Variants in ZNF385B observed in about 807,000 individuals in gnomAD.
ZNF385B encodes the protein zinc finger protein 533.
Under a neutral mutation model 39.2 loss-of-function variants are expected in ZNF385B, and 23 were observed. The ratio of observed to expected loss-of-function variants is 0.59; its 90% CI spans 0.42 to 0.83. ZNF385B has a LOEUF of 0.83. Among genes scored for constraint, ZNF385B ranks in the 40% least tolerant of loss-of-function variants. ZNF385B has a pLI of 0.00. For missense variants in ZNF385B, 552 were observed against 598.9 expected (o/e 0.92, Z 0.82); for synonymous variants, 205 against 222.6 (o/e 0.92, Z 0.70).
At chr2:179,562,092 G>C (rs914066177) in intron 3 of ZNF385B, among the ~76,000 whole-genome samples, 1 of 152,118 alleles carries the variant, frequency 6.6e-6, no homozygotes, top group African/African-American at 2.4e-5. Flanking sequence ...TTACCTAGTA[G>C]TTATTCCCAC....
intron 3 of ZNF385B, among the ~76,000 whole-genome samples, chr2:179,669,373 C>A (rs1695607736): frequency 2.0e-5 from 3 of 152,186 alleles, no homozygotes; most frequent in Admixed American, 2.0e-4. Flanking sequence ...TCAAAGTACA[C>A]CAACACATAG....
intron 3 of ZNF385B, among the ~76,000 whole-genome samples, chr2:179,749,929 A>G (rs1702577705): frequency 6.6e-6 from 1 of 152,164 alleles, no homozygotes; most frequent in African/African-American, 2.4e-5. Flanking sequence ...TTAAAGAAAA[A>G]GATAATCCGT....
chr2:179,566,536 A>C (rs1484123824), intron 3 of ZNF385B, among the ~76,000 whole-genome samples: 1 of 152,238 alleles, frequency 6.6e-6, no homozygotes, highest in South Asian at 2.1e-4. Flanking sequence ...AAGCCAACTT[A>C]GTTGTGTATT....
intron 6 of ZNF385B, among the ~76,000 whole-genome samples, chr2:179,456,968 T>A (rs546930318): frequency 6.6e-6 from 1 of 152,170 alleles, no homozygotes; most frequent in African/African-American, 2.4e-5. Flanking sequence ...TTTTAATGTA[T>A]GTATACATTC....
intron 3 of ZNF385B, among the ~76,000 whole-genome samples, chr2:179,582,026 G>C (rs1338541265): frequency 6.6e-6 from 1 of 152,162 alleles, no homozygotes; most frequent in Non-Finnish European, 1.5e-5. Flanking sequence ...ATAGAGGACT[G>C]TACATATGCC....
chr2:179,446,910 T>G (rs1396452480), intron 6 of ZNF385B, 140 bp from the exon 7 acceptor site: 1 of 1,038,696 alleles, frequency 9.6e-7, no homozygotes, highest in African/African-American at 1.6e-5. Context: ...TTATAGAGGT[T>G]AAATCAACCT....
At chr2:179,493,782 C>CATATGTGTATAT (rs1559338426) in intron 5 of ZNF385B, among the ~76,000 whole-genome samples, 1 of 89,526 alleles carries the variant, frequency 1.1e-5, no homozygotes, top group Non-Finnish European at 2.5e-5. Context: ...TATGTATATA[C>CATATGTGTATAT]ACATATGTAT....
At chr2:179,758,104 T>C (rs1286256596) in intron 3 of ZNF385B, among the ~76,000 whole-genome samples, 1 of 152,120 alleles carries the variant, frequency 6.6e-6, no homozygotes, top group Non-Finnish European at 1.5e-5. Flanking sequence ...ATCTTGCTAG[T>C]TTAAAATTTC....
intron 3 of ZNF385B, among the ~76,000 whole-genome samples, chr2:179,559,421 C>T (rs148311242): frequency 6.6e-6 from 1 of 152,234 alleles, no homozygotes; most frequent in Non-Finnish European, 1.5e-5. Flanking sequence ...GTCAGGTAGG[C>T]AGCTTCTGGG....
chr2:179,826,346 T>G (rs79110119), intron 1 of ZNF385B, among the ~76,000 whole-genome samples: 2 of 152,166 alleles, frequency 1.3e-5, no homozygotes, highest in African/African-American at 4.8e-5. Flanking sequence ...TGCAAGAGCT[T>G]TGATGCCCTC....
At chr2:179,732,841 T>G (rs1559141018) in intron 3 of ZNF385B, among the ~76,000 whole-genome samples, 2 of 152,230 alleles carry the variant, frequency 1.3e-5, no homozygotes, top group African/African-American at 2.4e-5. Context: ...CATTGAATAC[T>G]GTCACATTTG....
At chr2:179,703,640 TAA>T (rs1699377859) in intron 3 of ZNF385B, among the ~76,000 whole-genome samples, 3 of 152,000 alleles carry the variant, frequency 2.0e-5, no homozygotes, top group African/African-American at 7.3e-5. Context: ...ACATAATCTA[TAA>T]TAAAAAAGAC....
At chr2:179,849,373 T>C (rs528392610) in intron 1 of ZNF385B, among the ~76,000 whole-genome samples, 17 of 152,326 alleles carry the variant, frequency 1.1e-4, no homozygotes, top group African/African-American at 3.8e-4. Flanking sequence ...GTCACACAGC[T>C]AGTTAAAAGC....
Position 179,677,662 on chromosome 2 carries a change from G to A in ZNF385B, c.298+91841C>T, listed in dbSNP as rs565425886. Among the ~76,000 whole-genome samples, 6 of 152,288 alleles carry A rather than the reference G, an allele frequency of 3.9e-5. No homozygotes were observed. In the South Asian group the frequency reaches 1.2e-3, roughly 32 times the overall value. On this transcript the variant is annotated intron_variant, in intron 3 of 9. Transcript: ENST00000410066. Reference sequence around the variant, plus strand: ...GTGACTTAGATAATAGTTGAGATGGGAAGGGCAGAGCCAAACCTATGCCTG... The same window carrying A: ...GTGACTTAGATAATAGTTGAGATGGAAAGGGCAGAGCCAAACCTATGCCTG...
intron 6 of ZNF385B, among the ~76,000 whole-genome samples, chr2:179,482,665 G>A (rs948632195): frequency 1.3e-5 from 2 of 152,072 alleles, no homozygotes; most frequent in African/African-American, 4.8e-5. Context: ...AGTTTGTAAC[G>A]TTGGAAATCA....
At chr2:179,555,136 G>A (rs2060822624) in intron 3 of ZNF385B, among the ~76,000 whole-genome samples, 1 of 149,678 alleles carries the variant, frequency 6.7e-6, no homozygotes, top group Non-Finnish European at 1.5e-5. Flanking sequence ...AAACATTCAT[G>A]CAATGACATA....
chr2:179,656,909 A>C (rs1693834883), intron 3 of ZNF385B, among the ~76,000 whole-genome samples: 1 of 152,188 alleles, frequency 6.6e-6, no homozygotes, highest in South Asian at 2.1e-4. Flanking sequence ...AGTCACTCTT[A>C]TTGCTTACAA....
Position 179,443,013 on chromosome 2 carries a change from G to A in ZNF385B, c.*237C>T. The A allele has an allele frequency of 1.7e-6, 1 of 596,458 alleles. No individual in the cohort carries two copies. Among genetic ancestry groups the A allele is most frequent in the South Asian group, 2.0e-5 (1 of 50,752 alleles). The allele number at this position is 596,458 out of a possible 1,614,324, so 36.9% of individuals were successfully genotyped here. A position where few individuals can be genotyped will look rare whatever the true frequency, so the allele number is the denominator to read the frequency against. ...TACACAAATTGAACGCGGTAGGGTG[G>A]GGGAGGAAGTAGGGAGATAAAGCCT... is the stretch of plus-strand genomic sequence containing the variant. On this transcript the variant is annotated 3_prime_UTR_variant, in exon 10 of 10. Transcript: ENST00000410066.
chr2:179,464,600 T>C (rs896317226), intron 6 of ZNF385B, among the ~76,000 whole-genome samples: 30 of 152,206 alleles, frequency 2.0e-4, no homozygotes, highest in African/African-American at 6.5e-4. Context: ...ATTTATTAAG[T>C]AGGGAATCTT....
Sources: allele counts gnomAD v4.1 joint callset (sites outside exome capture counted in the v4.1 genomes callset), GRCh38; gene constraint gnomAD v4.1.1; transcripts MANE v1.5; gene names NCBI Gene and HGNC (gene_info 2026-07-23, HGNC 2026-07-21).